SNX29: variants seen among roughly 807,000 people sequenced by gnomAD.
SNX29 encodes the protein sorting nexin-29.
SNX29 carries 78 observed loss-of-function variants against 102.1 expected under a neutral mutation model. The observed-to-expected ratio is 0.76, with a 90% CI of 0.64 to 0.92. The LOEUF (loss-of-function observed/expected upper bound fraction) is 0.92, where lower values mean the gene tolerates loss of function less well. Ranked by LOEUF, SNX29 falls within the 40% of genes least tolerant of loss-of-function variation. The probability of loss-of-function intolerance (pLI) is 0.00; values close to 1 mark genes in which losing one functional copy is unlikely to be tolerated. For missense variants in SNX29, 1,280 were observed against 1,061.7 expected (o/e 1.21, Z -2.86); for synonymous variants, 580 against 414.5 (o/e 1.40, Z -4.85).
chr16:12,228,007 G>A, intron 14 of SNX29, among the ~76,000 whole-genome samples: 1 of 151,324 alleles, frequency 6.6e-6, no homozygotes, highest in East Asian at 2.0e-4. Context: ...TTGCTGGGCT[G>A]GCCCACGCCT....
At chr16:11,998,157 C>T (rs1443580284) in intron 1 of SNX29, among the ~76,000 whole-genome samples, 1 of 152,182 alleles carries the variant, frequency 6.6e-6, no homozygotes, top group Non-Finnish European at 1.5e-5. Flanking sequence ...CGTAGAGTTG[C>T]CCAAGACAGA....
In SNX29 at chr16:12,126,660, T is replaced by C; in HGVS notation, c.1430T>C (p.Met477Thr). 1 of 1,613,996 alleles carries C rather than the reference T, an allele frequency of 6.2e-7. No individual in the cohort carries two copies. The highest frequency in any genetic ancestry group is 8.5e-7 in the Non-Finnish European group (1 of 1,179,878). Residue 477 changes from methionine (M) to threonine (T), a missense_variant, in exon 12 of 21, where the codon ATG becomes ACG. By Grantham distance (81) the Met-to-Thr change is moderately conservative (BLOSUM62 -1). Coordinates refer to ENST00000566228, the MANE Select transcript of SNX29 (RefSeq NM_032167.5). Reference protein sequence around the residue: ...ISELRQATVAMMNRKDELEEE... With the variant: ...ISELRQATVATMNRKDELEEE... Reference sequence around the variant, plus strand: ...GAACTGCGCCAGGCCACTGTGGCCATGATGAACAGGAAGGATGAGCTGGAG... The same window carrying C: ...GAACTGCGCCAGGCCACTGTGGCCACGATGAACAGGAAGGATGAGCTGGAG...
chr16:12,461,872 C>G (rs1439635806), intron 18 of SNX29, among the ~76,000 whole-genome samples: 1 of 144,330 alleles, frequency 6.9e-6, no homozygotes, highest in African/African-American at 2.6e-5. Context: ...AGGAGAATCA[C>G]TTGAACATGG....
At chr16:12,191,054 GGGGAT>G (rs2076629643) in intron 13 of SNX29, among the ~76,000 whole-genome samples, 1 of 152,138 alleles carries the variant, frequency 6.6e-6, no homozygotes, top group Non-Finnish European at 1.5e-5. Flanking sequence ...ATTTTTCCAT[GGGGAT>G]GGGTTGGTGG....
At chr16:12,133,281 G>GTTTT (rs57733463) in intron 13 of SNX29, among the ~76,000 whole-genome samples, 2,438 of 66,906 alleles carry the variant, frequency 0.036, 276 homozygotes, top group African/African-American at 0.054. Context: ...CTTAGTGTGG[G>GTTTT]TTTTTTTTTT....
chr16:12,008,057 C>T (rs2056516835), intron 3 of SNX29, among the ~76,000 whole-genome samples: 2 of 152,138 alleles, frequency 1.3e-5, no homozygotes, highest in African/African-American at 4.8e-5. Flanking sequence ...TGTTCTCCTG[C>T]CTCAGCCTCC....
At chr16:12,376,752 A>C (rs1597140203) in intron 16 of SNX29, among the ~76,000 whole-genome samples, 1 of 151,208 alleles carries the variant, frequency 6.6e-6, no homozygotes, top group Admixed American at 6.6e-5. Flanking sequence ...AAAAAAAAAA[A>C]AAAAAAGAAC....
chr16:12,412,747 T>G (rs781536210), intron 18 of SNX29, among the ~76,000 whole-genome samples: 3 of 152,274 alleles, frequency 2.0e-5, no homozygotes, highest in Non-Finnish European at 4.4e-5. Flanking sequence ...ACATGGGCTT[T>G]GTAAATAGTC....
chr16:12,155,456 G>A (rs2055504927), intron 13 of SNX29, among the ~76,000 whole-genome samples: 1 of 152,136 alleles, frequency 6.6e-6, no homozygotes, highest in African/African-American at 2.4e-5. Context: ...AACAAGTGGA[G>A]GAGGGGATTT....
At chr16:12,427,308 A>T (rs980604325) in intron 18 of SNX29, among the ~76,000 whole-genome samples, 20 of 152,176 alleles carry the variant, frequency 1.3e-4, no homozygotes, top group African/African-American at 4.6e-4. Flanking sequence ...CTTGATTTCA[A>T]TGTTAAAACC....
chr16:12,541,798 T>TCA (rs2077354738), intron 20 of SNX29, among the ~76,000 whole-genome samples: 1 of 152,124 alleles, frequency 6.6e-6, no homozygotes, highest in African/African-American at 2.4e-5. Flanking sequence ...ATGGAAAGGT[T>TCA]CAGAGGGCAG....
At chr16:12,565,504 C>A (rs12443688) in intron 20 of SNX29, among the ~76,000 whole-genome samples, 1 of 152,116 alleles carries the variant, frequency 6.6e-6, no homozygotes, top group East Asian at 1.9e-4. Flanking sequence ...AGCCTGTGTC[C>A]CGAGACATGG....
At chr16:12,444,221 C>T (rs1167019783) in intron 18 of SNX29, among the ~76,000 whole-genome samples, 1 of 151,632 alleles carries the variant, frequency 6.6e-6, no homozygotes, top group Non-Finnish European at 1.5e-5. Flanking sequence ...AGTATAGCCC[C>T]TAGCATGTGG....
intron 20 of SNX29, among the ~76,000 whole-genome samples, chr16:12,546,947 T>A (rs962379608): frequency 2.0e-5 from 3 of 151,992 alleles, no homozygotes; most frequent in African/African-American, 4.8e-5. Context: ...GAAAATAAAT[T>A]CCCCACCCCT....
chr16:12,495,997 G>A (rs1249090238), intron 19 of SNX29, among the ~76,000 whole-genome samples: 2 of 152,140 alleles, frequency 1.3e-5, no homozygotes, highest in Non-Finnish European at 2.9e-5. Flanking sequence ...TTAGTGAGCC[G>A]AGATCATGCC....
chr16:12,573,610 C>G lies in SNX29; in HGVS notation c.*4981C>G, dbSNP rs1005614850. On this transcript the variant is annotated 3_prime_UTR_variant, in exon 21 of 21. Coordinates refer to ENST00000566228, the MANE Select transcript of SNX29 (RefSeq NM_032167.5). ...CACTTCCCCTCAAATTTTCTCAGCT[C>G]TGCCGCTGGTCTCCATGAACGGCAA... 10 of 221,808 alleles carry G rather than the reference C, an allele frequency of 4.5e-5. No homozygotes were observed. The highest frequency in any genetic ancestry group is 2.7e-5 in the Non-Finnish European group (3 of 110,780). The allele number at this position is 221,808 out of a possible 1,614,324, so 13.7% of individuals were successfully genotyped here.
In SNX29 at chr16:12,126,621, T is replaced by A; in HGVS notation, c.1403-12T>A. ...CCTGCCAATTAATCTTGACTTTGTT[T>A]TCTTCCCTTAGGTGAACTGCGCCAG... is the stretch of plus-strand genomic sequence containing the variant. On this transcript the variant is annotated splice_polypyrimidine_tract_variant and intron_variant, in intron 11 of 20. Transcript: ENST00000566228. The A allele has an allele frequency of 6.2e-7, 1 of 1,613,830 alleles. No homozygotes were observed. The highest frequency in any genetic ancestry group is 1.1e-5 in the South Asian group (1 of 90,966).
chr16:12,510,994 T>C (rs145925600), intron 19 of SNX29, among the ~76,000 whole-genome samples: 70 of 151,628 alleles, frequency 4.6e-4, no homozygotes, highest in Non-Finnish European at 7.7e-4. Context: ...TCTCACTCTG[T>C]CGCCCAGGCT....
chr16:11,982,367 A>ATTTG (rs1316806050), intron 1 of SNX29, among the ~76,000 whole-genome samples: 1 of 151,568 alleles, frequency 6.6e-6, no homozygotes, highest in Non-Finnish European at 1.5e-5. Context: ...CATTATACTC[A>ATTTG]AGTTTTGTCT....
Sources: allele counts gnomAD v4.1 joint callset (sites outside exome capture counted in the v4.1 genomes callset), GRCh38; gene constraint gnomAD v4.1.1; transcripts MANE v1.5; gene names NCBI Gene and HGNC (gene_info 2026-07-23, HGNC 2026-07-21).